The following KLRG1 variants were observed in gnomAD, a reference collection of about 807,000 sequenced individuals.
KLRG1 encodes killer cell lectin-like receptor subfamily G member 1.
Under a neutral mutation model 21.8 loss-of-function variants are expected in KLRG1, and 16 were observed. The ratio of observed to expected loss-of-function variants is 0.73; its 90% CI spans 0.50 to 1.11. The LOEUF (loss-of-function observed/expected upper bound fraction) is 1.11, where lower values mean the gene tolerates loss of function less well. Ranked by LOEUF, KLRG1 falls within the 50% of genes most tolerant of loss-of-function variation. The pLI is 0.00. For synonymous variants in KLRG1, 69 were observed against 75.9 expected, an observed-to-expected ratio of 0.91 and a Z score of 0.47; for missense variants, 173 against 218.3, an observed-to-expected ratio of 0.79 and a Z score of 1.31.
chr12:9,158,614 A>G, the KLRG1 span: 1 of 1,605,582 alleles, frequency 6.2e-7, no homozygotes, highest in South Asian at 1.1e-5. Context: ...GGCTCTTTTC[A>G]TTGAGCACTT....
the KLRG1 span, among the ~76,000 whole-genome samples, chr12:9,133,826 A>G: frequency 6.6e-6 from 1 of 152,196 alleles, no homozygotes; most frequent in South Asian, 2.1e-4. Flanking sequence ...CTACCTATAC[A>G]CACTATTAAA....
chr12:9,193,981 T>C, the KLRG1 span: 1 of 1,190,226 alleles, frequency 8.4e-7, no homozygotes. Context: ...TATCTTCTTA[T>C]TTCTTACTCT....
chr12:9,166,164 A>G, the KLRG1 span: 3 of 1,613,834 alleles, frequency 1.9e-6, no homozygotes, highest in Non-Finnish European at 2.5e-6. Flanking sequence ...TATGTGCCTA[A>G]TTGAGGAACA....
the KLRG1 span, among the ~76,000 whole-genome samples, chr12:9,103,076 G>A: frequency 6.6e-6 from 1 of 152,148 alleles, no homozygotes; most frequent in Non-Finnish European, 1.5e-5. Context: ...GTATGAACAG[G>A]TCATCTGGAG....
chr12:9,160,902 G>A, the KLRG1 span: 14 of 782,774 alleles, frequency 1.8e-5, no homozygotes, highest in African/African-American at 8.7e-5. Flanking sequence ...GCGACAGAGC[G>A]AGACTCCATC....
chr12:9,058,617 C>T, the KLRG1 span: 4 of 152,282 alleles, frequency 2.6e-5, no homozygotes, highest in Non-Finnish European at 5.9e-5. Context: ...TTGTCTGTGA[C>T]ACTCCAAATC....
the KLRG1 span, among the ~76,000 whole-genome samples, chr12:9,082,405 T>C: frequency 2.0e-5 from 3 of 152,174 alleles, no homozygotes; most frequent in African/African-American, 7.2e-5. Context: ...AACAGTGATC[T>C]TGCCAGAGAG....
intron 1 of KLRG1, among the ~76,000 whole-genome samples, chr12:8,969,388 C>T (rs757465141): frequency 2.0e-5 from 3 of 152,096 alleles, no homozygotes; most frequent in Non-Finnish European, 2.9e-5. Context: ...TGCAGTCAGC[C>T]GTTCTTGGGA....
the KLRG1 span, among the ~76,000 whole-genome samples, chr12:9,140,489 CGT>C: frequency 6.6e-6 from 1 of 152,050 alleles, no homozygotes; most frequent in Non-Finnish European, 1.5e-5. Flanking sequence ...TGCCAGTAAC[CGT>C]TATTAAAAAA....
At chr12:9,080,986 T>C in the KLRG1 span, among the ~76,000 whole-genome samples, 3 of 152,186 alleles carry the variant, frequency 2.0e-5, no homozygotes, top group Non-Finnish European at 4.4e-5. Flanking sequence ...ACAATTTTAG[T>C]ATTGGTGAAT....
At chr12:9,071,595 T>C in the KLRG1 span, among the ~76,000 whole-genome samples, 3,059 of 152,260 alleles carry the variant, frequency 0.02, 98 homozygotes, top group African/African-American at 0.068. Flanking sequence ...CCTCCTCCCA[T>C]CCTTAACCCT....
the KLRG1 span, chr12:9,151,491 T>C: frequency 1.3e-6 from 1 of 773,120 alleles, no homozygotes; most frequent in East Asian, 2.6e-5. Context: ...TAAACCTTTC[T>C]GGAAGGGCAT....
At chr12:9,197,489 T>G in the KLRG1 span, among the ~76,000 whole-genome samples, 1 of 129,260 alleles carries the variant, frequency 7.7e-6, no homozygotes, top group Non-Finnish European at 1.5e-5. Flanking sequence ...ATATAATATA[T>G]TATATATAAA....
chr12:9,181,114 G>A, the KLRG1 span: 6 of 1,614,088 alleles, frequency 3.7e-6, no homozygotes, highest in Non-Finnish European at 5.1e-6. Context: ...CTTTGTGCTG[G>A]GCTGAAGCTC....
At chr12:9,166,256 T>C in the KLRG1 span, 9 of 1,572,510 alleles carry the variant, frequency 5.7e-6, no homozygotes, top group Non-Finnish European at 7.8e-6. Flanking sequence ...AATTTCATGG[T>C]GCACATGTGA....
chr12:9,152,989 T>C, the KLRG1 span: 1 of 1,613,574 alleles, frequency 6.2e-7, no homozygotes, highest in Non-Finnish European at 8.5e-7. Flanking sequence ...TTCTCTCTTT[T>C]TCTGGACCCC....
At chr12:9,051,817 A>G in the KLRG1 span, among the ~76,000 whole-genome samples, 1 of 152,248 alleles carries the variant, frequency 6.6e-6, no homozygotes, top group Non-Finnish European at 1.5e-5. Flanking sequence ...CTCTTTTAGC[A>G]TAGGCCCCAA....
the KLRG1 span, among the ~76,000 whole-genome samples, chr12:9,209,154 G>A: frequency 1.3e-5 from 2 of 152,060 alleles, no homozygotes; most frequent in African/African-American, 4.8e-5. Flanking sequence ...AGAACTTGTA[G>A]TACAATGATG....
At chr12:9,098,604 C>CA in the KLRG1 span, 1 of 1,594,144 alleles carries the variant, frequency 6.3e-7, no homozygotes, top group South Asian at 1.1e-5. Context: ...GCCAGGAACT[C>CA]ACCGAGGACG....
Sources: allele counts gnomAD v4.1 joint callset (sites outside exome capture counted in the v4.1 genomes callset), GRCh38; gene constraint gnomAD v4.1.1; transcripts MANE v1.5; gene names NCBI Gene and HGNC (gene_info 2026-07-23, HGNC 2026-07-21).